The following WDR59 variants were observed in gnomAD, a reference collection of about 807,000 sequenced individuals.
WDR59 encodes the protein GATOR2 complex protein WDR59.
Under a neutral mutation model 131.2 loss-of-function variants are expected in WDR59, and 100 were observed. The ratio of observed to expected loss-of-function variants is 0.76; its 90% confidence interval spans 0.65 to 0.90. The LOEUF (loss-of-function observed/expected upper bound fraction) is 0.90, where lower values mean the gene tolerates loss of function less well. WDR59 is among the 40% of genes least tolerant of loss of function. The probability of loss-of-function intolerance (pLI) is 0.00; values close to 1 mark genes in which losing one functional copy is unlikely to be tolerated. For missense variants in WDR59, 1,203 were observed against 1,262.2 expected, an observed-to-expected ratio of 0.95 and a Z score of 0.71; for synonymous variants, 601 against 466.2, an observed-to-expected ratio of 1.29 and a Z score of -3.72.
At position 74,984,951 on chromosome 16, in the gene WDR59, G is replaced by T. The variant is rs930319981; in HGVS notation, c.54+13C>A. 6.2e-7 allele frequency: 1 copy of T among 1,603,052 alleles called. No homozygotes were observed. The highest frequency in any genetic ancestry group is 8.5e-7 in the Non-Finnish European group (1 of 1,175,112). ...ACGCATGCCCAGAGGGCTCCACTCG[G>T]CCTCTAGCTCACCTGGGAGTCACGG... On this transcript the variant is annotated intron_variant, in intron 1 of 25. Coordinates refer to ENST00000262144, the MANE Select transcript of WDR59 (RefSeq NM_030581.4).
intron 2 of WDR59, among the ~76,000 whole-genome samples, chr16:74,964,310 C>T (rs1027100603): frequency 2.0e-5 from 3 of 148,962 alleles, no homozygotes; most frequent in Non-Finnish European, 3.0e-5. Flanking sequence ...AACCGGAAGG[C>T]GGAGGTTGCA....
At chr16:74,978,320 CAAAAAAAAAAAA>C (rs1182301591) in intron 1 of WDR59, among the ~76,000 whole-genome samples, 295 of 53,530 alleles carry the variant, frequency 5.5e-3, no homozygotes, top group African/African-American at 0.022. Flanking sequence ...GACTCTGTCT[CAAAAAAAAAAAA>C]AAAAAAAAAA....
chr16:74,968,030 A>T (rs1567439977), intron 1 of WDR59, among the ~76,000 whole-genome samples: 1 of 152,186 alleles, frequency 6.6e-6, no homozygotes, highest in Non-Finnish European at 1.5e-5. Context: ...CATGCTAAGT[A>T]GAGTATCCCA....
At position 74,909,604 on chromosome 16, in the gene WDR59, A is replaced by G; in HGVS notation, c.1539T>C (p.Thr513=). 1 of 1,606,272 alleles carries G rather than the reference A, an allele frequency of 6.2e-7. No homozygotes were observed. The highest frequency in any genetic ancestry group is 1.1e-5 in the South Asian group (1 of 89,730). The change falls in exon 16 of 26, where the codon ACT becomes ACC. Residue 513 remains threonine (T), a synonymous_variant. Coordinates refer to ENST00000262144, the MANE Select transcript of WDR59 (RefSeq NM_030581.4). ...SNPFALPNSV[T]PPLPTFARVT... Reference sequence around the variant, plus strand: ...CCCGCGCAAACGTCGGTAAGGGGGGAGTGACAGAGTTGGGGAGTGCAAACG... The same window carrying G: ...CCCGCGCAAACGTCGGTAAGGGGGGGGTGACAGAGTTGGGGAGTGCAAACG...
chr16:74,963,973 C>T (rs2033665702), intron 2 of WDR59, among the ~76,000 whole-genome samples: 1 of 151,948 alleles, frequency 6.6e-6, no homozygotes, highest in African/African-American at 2.4e-5. Flanking sequence ...GAGAGGATTA[C>T]TTGAGCCCAG....
chr16:74,960,886 T>C (rs2145179202), intron 2 of WDR59, among the ~76,000 whole-genome samples: 1 of 151,896 alleles, frequency 6.6e-6, no homozygotes, highest in Non-Finnish European at 1.5e-5. Flanking sequence ...CCTTCCAAGG[T>C]TCTAAAAAAA....
intron 2 of WDR59, among the ~76,000 whole-genome samples, chr16:74,958,156 G>A (rs896056266): frequency 6.6e-6 from 1 of 152,132 alleles, no homozygotes; most frequent in South Asian, 2.1e-4. Flanking sequence ...GGGTGAACAC[G>A]CCTGATGGAA....
At chr16:74,942,131 C>A (rs957587206) in intron 7 of WDR59, among the ~76,000 whole-genome samples, 3 of 152,166 alleles carry the variant, frequency 2.0e-5, no homozygotes, top group African/African-American at 7.2e-5. Context: ...TCCATTACAG[C>A]CACAGCCAAG....
Position 74,888,199 on chromosome 16 carries a change from A to C in WDR59, c.2316T>G (p.Ser772=). Residue 772 remains serine, a synonymous_variant, in exon 22 of 26, where the codon TCT becomes TCG. Transcript: ENST00000262144. ...GACTATGGGACACCACAAGATTAGA[A>C]GAACGGTTAGGAAAAGGCCCAAAGG... is the stretch of plus-strand genomic sequence containing the variant. ...PNPFGPFPNR[S]SNLVVSHSRY... is the part of the protein sequence containing the mutation. 2.5e-6 allele frequency: 4 copies of C among 1,613,446 alleles called. No homozygotes were observed. Among genetic ancestry groups the C allele is most frequent in the Non-Finnish European group, 2.5e-6 (3 of 1,179,846 alleles).
chr16:74,918,219 C>T (rs866590722), intron 10 of WDR59, among the ~76,000 whole-genome samples: 10 of 151,936 alleles, frequency 6.6e-5, no homozygotes, highest in Admixed American at 1.3e-4. Context: ...TAGAAAGAGA[C>T]AAATATCTGA....
chr16:74,910,267 C>A (rs936169079), intron 14 of WDR59, among the ~76,000 whole-genome samples: 1 of 152,264 alleles, frequency 6.6e-6, no homozygotes, highest in South Asian at 2.1e-4. Flanking sequence ...TGCGCCCGGC[C>A]CTGATTGGCT....
intron 1 of WDR59, among the ~76,000 whole-genome samples, chr16:74,981,384 A>AC: frequency 6.8e-6 from 1 of 147,768 alleles, no homozygotes. Flanking sequence ...TCAAAAAAAA[A>AC]ACAAAAAAAA....
At position 74,942,777 on chromosome 16, in the gene WDR59, G is replaced by A. The variant is rs764530653; in HGVS notation, c.495C>T (p.Ala165=). Residue 165 remains alanine, a synonymous_variant, in exon 7 of 26, where the codon GCC becomes GCT. Coordinates refer to ENST00000262144, the MANE Select transcript of WDR59 (RefSeq NM_030581.4). ...KWNKKNANCL[A]TSHDGDVRIW... ...TCCGCACATCGCCGTCATGGCTGGTGGCAAGGCAGTTAGCATTTTTTTTAT... is the reference window on the plus strand; with the variant it reads ...TCCGCACATCGCCGTCATGGCTGGTAGCAAGGCAGTTAGCATTTTTTTTAT... 2 of 1,611,652 alleles carry A rather than the reference G, an allele frequency of 1.2e-6. No homozygotes were observed. Among genetic ancestry groups the A allele is most frequent in the Non-Finnish European group, 1.7e-6 (2 of 1,179,462 alleles).
rs371325788 is a variant in WDR59 at position 74,912,267 on chromosome 16, G to A, written c.1320C>T (p.Asn440=). The A allele has an allele frequency of 5.4e-5, 87 of 1,614,208 alleles. No individual in the cohort carries two copies. The highest frequency in any genetic ancestry group is 4.6e-4 in the South Asian group (42 of 91,086). ...TAATAAACTGGAAGGAAGGGGCGGC[G>A]TTGTTTGGGTACTGTGCAGGGAACT... ...LVKFPAQYPN[N]AAPSFQFINP... is the part of the protein sequence containing the mutation. Residue 440 remains asparagine, a synonymous_variant, in exon 14 of 26, where the codon AAC becomes AAT. Transcript: ENST00000262144.
chr16:74,887,819 A>T, intron 22 of WDR59, 64 bp from the exon 23 acceptor site: 1 of 1,518,052 alleles, frequency 6.6e-7, no homozygotes, highest in Non-Finnish European at 9.1e-7. Context: ...ATGACAGTTC[A>T]CATTAAGAAA....
chr16:74,946,120 A>G (rs2032620178), intron 6 of WDR59, among the ~76,000 whole-genome samples: 1 of 152,160 alleles, frequency 6.6e-6, no homozygotes, highest in African/African-American at 2.4e-5. Context: ...GGCCACATTC[A>G]CATAACCTTT....
At chr16:74,929,302 C>T (rs908607483) in intron 8 of WDR59, among the ~76,000 whole-genome samples, 1 of 152,130 alleles carries the variant, frequency 6.6e-6, no homozygotes. Flanking sequence ...GTCTCGATCT[C>T]CTGACCTCGT....
chr16:74,911,721 A>C (rs1009730644), intron 14 of WDR59, among the ~76,000 whole-genome samples: 3 of 152,138 alleles, frequency 2.0e-5, no homozygotes, highest in Non-Finnish European at 4.4e-5. Context: ...TTTTTTTCTA[A>C]TTATAAAATA....
intron 25 of WDR59, among the ~76,000 whole-genome samples, chr16:74,879,487 A>G (rs1964379543): frequency 1.3e-5 from 2 of 152,364 alleles, no homozygotes; most frequent in Admixed American, 6.5e-5. Flanking sequence ...GTCAAAGTAG[A>G]TGGGTAGAGA....
Sources: allele counts gnomAD v4.1 joint callset (sites outside exome capture counted in the v4.1 genomes callset), GRCh38; gene constraint gnomAD v4.1.1; transcripts MANE v1.5; gene names NCBI Gene and HGNC (gene_info 2026-07-23, HGNC 2026-07-21).